The following DGKB variants were observed in gnomAD, a reference collection of about 807,000 sequenced individuals.
The protein encoded by DGKB is 90 kDa diacylglycerol kinase.
Under a neutral mutation model 114.3 loss-of-function variants are expected in DGKB, and 67 were observed. The observed-to-expected ratio is 0.59, with a 90% confidence interval of 0.48 to 0.72. The LOEUF is 0.72. Among genes scored for constraint, DGKB ranks in the 30% least tolerant of loss-of-function variants. DGKB has a pLI of 0.00. For synonymous variants in DGKB, 398 were observed against 323.1 expected (o/e 1.23, Z -2.49); for missense variants, 907 against 975.2 (o/e 0.93, Z 0.93).
intron 23 of DGKB, among the ~76,000 whole-genome samples, chr7:14,331,609 A>G (rs1809732113): frequency 6.6e-6 from 1 of 152,136 alleles, no homozygotes; most frequent in Admixed American, 6.6e-5. Flanking sequence ...TATCTGGGAA[A>G]TATAATGTAA....
chr7:14,454,386 C>A (rs1831970538), intron 21 of DGKB, among the ~76,000 whole-genome samples: 2 of 152,112 alleles, frequency 1.3e-5, no homozygotes, highest in Admixed American at 6.6e-5. Flanking sequence ...ATTTTGACTG[C>A]AAACACATTT....
intron 21 of DGKB, among the ~76,000 whole-genome samples, chr7:14,401,834 G>C (rs1823147738): frequency 6.6e-6 from 1 of 151,682 alleles, no homozygotes; most frequent in African/African-American, 2.4e-5. Flanking sequence ...GGAAAATACT[G>C]TCTCACTGGG....
At chr7:14,863,692 T>C (rs1278238131) in intron 1 of DGKB, among the ~76,000 whole-genome samples, 1 of 152,130 alleles carries the variant, frequency 6.6e-6, no homozygotes, top group East Asian at 1.9e-4. Context: ...TACATGTACA[T>C]TATAGAAAGA....
intron 2 of DGKB, chr7:14,816,665 A>G (rs1189986086): frequency 2.6e-5 from 4 of 152,198 alleles, no homozygotes; most frequent in Non-Finnish European, 5.9e-5. Flanking sequence ...TATCTCGTAC[A>G]TTTGATGTAA....
chr7:14,576,671 G>A (rs1416782369), intron 19 of DGKB, among the ~76,000 whole-genome samples: 1 of 152,042 alleles, frequency 6.6e-6, no homozygotes, highest in African/African-American at 2.4e-5. Context: ...TAGCAGCACC[G>A]TCCAACATAA....
At chr7:14,455,192 A>G (rs1414955915) in intron 21 of DGKB, among the ~76,000 whole-genome samples, 1 of 152,082 alleles carries the variant, frequency 6.6e-6, no homozygotes, top group African/African-American at 2.4e-5. Context: ...TGAAGTTAAA[A>G]ATCACAGACA....
chr7:14,960,369 GT>G (rs904413544), intron 1 of DGKB, among the ~76,000 whole-genome samples: 1 of 151,706 alleles, frequency 6.6e-6, no homozygotes, highest in Non-Finnish European at 1.5e-5. Flanking sequence ...CACCTAAAAA[GT>G]TTTTTTAATG....
Position 14,630,240 on chromosome 7 carries a change from G to T in DGKB, c.1163C>A (p.Pro388His). ...LTLPTSGVSV[P>H]EERQSTVKKE... is the part of the protein sequence containing the mutation. ...AACCTGTTTTTGCTTACGCACCTCA[G>T]GAACTGAAACTCCTGAAGTGGGCAG... Residue 388 changes from proline (P) to histidine (H), a missense_variant, in exon 14 of 26, where the codon CCT becomes CAT. Pro to His is a moderately conservative substitution (Grantham distance 77). Around this residue, in one of 3 missense-constraint regions of DGKB, gnomAD observed 814 missense variants for 856.6 expected, o/e 0.95. Coordinates refer to ENST00000402815, the MANE Select transcript of DGKB (RefSeq NM_001350709.2). The T allele has an allele frequency of 6.4e-7, 1 of 1,555,718 alleles. No individual in the cohort carries two copies. Among genetic ancestry groups the T allele is most frequent in the Non-Finnish European group, 8.7e-7 (1 of 1,149,844 alleles).
chr7:14,797,870 G>A (rs191836931), intron 2 of DGKB, among the ~76,000 whole-genome samples: 5 of 152,170 alleles, frequency 3.3e-5, no homozygotes, highest in South Asian at 2.1e-4. Context: ...CCCACTGCCC[G>A]CAGCTTGGCA....
At chr7:14,888,834 G>A (rs1477363463) in intron 1 of DGKB, among the ~76,000 whole-genome samples, 2 of 151,578 alleles carry the variant, frequency 1.3e-5, no homozygotes, top group Non-Finnish European at 3.0e-5. Context: ...TATTGAAATT[G>A]GGAAGTATAA....
chr7:14,561,688 A>C (rs1796682474), intron 20 of DGKB, among the ~76,000 whole-genome samples: 1 of 152,202 alleles, frequency 6.6e-6, no homozygotes, highest in Non-Finnish European at 1.5e-5. Flanking sequence ...CCCCTGCCCT[A>C]GAGATCTGTG....
chr7:14,685,674 T>C (rs1821558092), intron 9 of DGKB, among the ~76,000 whole-genome samples: 2 of 152,182 alleles, frequency 1.3e-5, no homozygotes, highest in South Asian at 2.1e-4. Flanking sequence ...CTTCTTTAAA[T>C]ACTTTATCCT....
intron 13 of DGKB, among the ~76,000 whole-genome samples, chr7:14,651,279 A>T (rs920827327): frequency 4.6e-5 from 7 of 152,168 alleles, no homozygotes; most frequent in Admixed American, 4.6e-4. Flanking sequence ...ATCCAGCAGC[A>T]CATCAAAAAG....
At chr7:14,656,523 C>A (rs1047893665) in intron 13 of DGKB, among the ~76,000 whole-genome samples, 1 of 151,440 alleles carries the variant, frequency 6.6e-6, no homozygotes, top group South Asian at 2.1e-4. Flanking sequence ...GACACTGCAT[C>A]CTGAATATAT....
At chr7:14,477,484 C>T (rs193121947) in intron 21 of DGKB, among the ~76,000 whole-genome samples, 3 of 152,256 alleles carry the variant, frequency 2.0e-5, no homozygotes, top group Admixed American at 6.5e-5. Flanking sequence ...ACTTCTTCTG[C>T]CCCACTTTTC....
intron 21 of DGKB, among the ~76,000 whole-genome samples, chr7:14,412,358 T>C (rs1825029237): frequency 1.3e-5 from 2 of 152,156 alleles, no homozygotes; most frequent in South Asian, 4.1e-4. Context: ...AAAGGGACAA[T>C]GTGATGTGGA....
chr7:14,608,529 A>G (rs1230051831), intron 16 of DGKB, among the ~76,000 whole-genome samples: 1 of 152,078 alleles, frequency 6.6e-6, no homozygotes, highest in African/African-American at 2.4e-5. Flanking sequence ...AAACTGGAAC[A>G]AAACATGCCC....
At chr7:14,292,781 TTC>T (rs1434588218) in intron 23 of DGKB, among the ~76,000 whole-genome samples, 1 of 152,202 alleles carries the variant, frequency 6.6e-6, no homozygotes, top group African/African-American at 2.4e-5. Context: ...AATGAGAGGC[TTC>T]TGTTTTTGAA....
intron 2 of DGKB, among the ~76,000 whole-genome samples, chr7:14,823,280 T>C (rs934922761): frequency 6.6e-6 from 1 of 151,984 alleles, no homozygotes; most frequent in Non-Finnish European, 1.5e-5. Flanking sequence ...TTAAGACCTA[T>C]TTCTGCTTAA....
Sources: gnomAD v4.1 joint callset for allele counts (sites outside exome capture counted in the v4.1 genomes callset) on GRCh38, gnomAD v4.1.1 for gene constraint, gnomAD v4.1.1 regional missense constraint, MANE v1.5 for transcripts, NCBI Gene and HGNC (gene_info 2026-07-23, HGNC 2026-07-21) for gene names.